XKR9: variants seen among roughly 807,000 people sequenced by gnomAD.
The protein encoded by XKR9 is XK related 9, also known as XK-related protein 9.
A neutral mutation model predicts 32.0 loss-of-function variants in XKR9; 32 were observed. The observed-to-expected ratio is 1.00, with a 90% CI of 0.76 to 1.34. The LOEUF is 1.34. Among genes scored for constraint, XKR9 ranks in the 40% most tolerant of loss-of-function variants. The pLI is 0.00. For synonymous variants in XKR9, 168 were observed against 143.4 expected (o/e 1.17, Z -1.22); for missense variants, 546 against 429.7 (o/e 1.27, Z -2.39).
At chr8:70,975,917 T>C in the XKR9 span, among the ~76,000 whole-genome samples, 1 of 152,202 alleles carries the variant, frequency 6.6e-6, no homozygotes, top group Admixed American at 6.5e-5. Context: ...TTTTATTTCG[T>C]TGAGCAGTGG....
chr8:70,870,008 A>G, the XKR9 span, among the ~76,000 whole-genome samples: 1 of 152,164 alleles, frequency 6.6e-6, no homozygotes, highest in Non-Finnish European at 1.5e-5. Flanking sequence ...AATGAGATAT[A>G]TGATATGAAT....
At chr8:70,939,934 T>C in the XKR9 span, among the ~76,000 whole-genome samples, 4 of 152,118 alleles carry the variant, frequency 2.6e-5, no homozygotes, top group East Asian at 7.7e-4. Context: ...TATTATTCCA[T>C]TTTTTCAGAT....
intron 4 of XKR9, among the ~76,000 whole-genome samples, chr8:70,707,865 C>A (rs997519355): frequency 6.6e-6 from 1 of 151,978 alleles, no homozygotes; most frequent in Non-Finnish European, 1.5e-5. Flanking sequence ...TTTGAAAAAT[C>A]CTTTTATAGG....
chr8:70,848,315 C>T, the XKR9 span, among the ~76,000 whole-genome samples: 1 of 151,926 alleles, frequency 6.6e-6, no homozygotes, highest in South Asian at 2.1e-4. Flanking sequence ...GAATATACCT[C>T]AAAATATGAC....
At position 70,674,915 on chromosome 8, in the gene XKR9, A is replaced by G. The variant is rs993096936; in HGVS notation, c.-279+16A>G. 1 of 152,174 alleles carries G rather than the reference A, an allele frequency of 6.6e-6. No individual in the cohort carries two copies. Among genetic ancestry groups the G allele is most frequent in the African/African-American group, 2.4e-5 (1 of 41,450 alleles). The allele number at this position is 152,174 out of a possible 1,614,324, so 9.4% of individuals were successfully genotyped here. ...TATTTGACAAGTAAGTCTATGTTTTATATGTGTTATATTTGGTTGACAAGG... is the reference window on the plus strand; with the variant it reads ...TATTTGACAAGTAAGTCTATGTTTTGTATGTGTTATATTTGGTTGACAAGG... On this transcript the variant is annotated intron_variant, in intron 2 of 4. Coordinates refer to ENST00000408926, the MANE Select transcript of XKR9 (RefSeq NM_001011720.2).
At chr8:70,941,094 A>G in the XKR9 span, among the ~76,000 whole-genome samples, 1 of 152,122 alleles carries the variant, frequency 6.6e-6, no homozygotes, top group Non-Finnish European at 1.5e-5. Flanking sequence ...CGAAAACTCC[A>G]TAACCATCAA....
intron 4 of XKR9, among the ~76,000 whole-genome samples, chr8:70,730,089 G>A (rs893235173): frequency 2.0e-5 from 3 of 152,108 alleles, no homozygotes; most frequent in African/African-American, 4.8e-5. Context: ...TTACTCTGAA[G>A]AGTTTTAGTT....
At chr8:70,808,092 T>G in the XKR9 span, among the ~76,000 whole-genome samples, 3 of 152,054 alleles carry the variant, frequency 2.0e-5, no homozygotes, top group Non-Finnish European at 2.9e-5. Flanking sequence ...GCAATCAAAT[T>G]AGAACTCAGC....
At chr8:70,864,170 C>G in the XKR9 span, among the ~76,000 whole-genome samples, 1 of 152,114 alleles carries the variant, frequency 6.6e-6, no homozygotes, top group Non-Finnish European at 1.5e-5. Flanking sequence ...TGCTTTCCCC[C>G]CCTAAAATCT....
chr8:70,927,986 C>T, the XKR9 span, among the ~76,000 whole-genome samples: 1 of 152,106 alleles, frequency 6.6e-6, no homozygotes, highest in African/African-American at 2.4e-5. Context: ...TAGGTTTGAA[C>T]CTTTTATCTA....
chr8:70,780,092 C>G (rs116743838), intron 2 of XKR9, among the ~76,000 whole-genome samples: 3,313 of 151,562 alleles, frequency 0.022, 135 homozygotes, highest in African/African-American at 0.076. Flanking sequence ...TGGGCATTTA[C>G]TGTTATAGAG....
At chr8:70,816,780 G>A in the XKR9 span, among the ~76,000 whole-genome samples, 3 of 152,064 alleles carry the variant, frequency 2.0e-5, no homozygotes, top group Non-Finnish European at 4.4e-5. Flanking sequence ...CACCATGATT[G>A]AATAGGCTTC....
At chr8:70,801,421 C>T in the XKR9 span, among the ~76,000 whole-genome samples, 1 of 152,158 alleles carries the variant, frequency 6.6e-6, no homozygotes. Flanking sequence ...TTTATTGCTG[C>T]CCAAAAGTCA....
At chr8:71,035,453 C>T in the XKR9 span, among the ~76,000 whole-genome samples, 6 of 152,164 alleles carry the variant, frequency 3.9e-5, no homozygotes, top group African/African-American at 9.7e-5. Flanking sequence ...TTAACAGGCA[C>T]GATAAGTTTC....
At chr8:70,804,744 A>G in the XKR9 span, among the ~76,000 whole-genome samples, 1 of 152,250 alleles carries the variant, frequency 6.6e-6, no homozygotes, top group Non-Finnish European at 1.5e-5. Context: ...TTGAAGCTAA[A>G]TATAATGGGT....
rs557386921 is a variant in XKR9 at position 70,676,439 on chromosome 8, G to A, written c.-279+1540G>A. On this transcript the variant is annotated intron_variant, in intron 2 of 4. Coordinates refer to ENST00000408926, the MANE Select transcript of XKR9 (RefSeq NM_001011720.2). ...TTGTAGGTGGCATTATTTTACCTAA[G>A]GTGGTACTGGAATAGTGATCAACCA... Among the ~76,000 whole-genome samples, 3 of 152,254 alleles carry A rather than the reference G, an allele frequency of 2.0e-5. No homozygotes were observed. In the South Asian group the frequency reaches 6.2e-4, roughly 32 times the overall value.
chr8:70,829,484 T>C, the XKR9 span, among the ~76,000 whole-genome samples: 4 of 152,374 alleles, frequency 2.6e-5, no homozygotes, highest in South Asian at 8.3e-4. Flanking sequence ...AGTCTCGCCC[T>C]GTCTCCCAGG....
intron 4 of XKR9, among the ~76,000 whole-genome samples, chr8:70,717,822 G>T (rs1005581643): frequency 3.3e-5 from 5 of 152,230 alleles, no homozygotes; most frequent in East Asian, 1.9e-4. Context: ...GCATTGTCAG[G>T]CTGCAAATTT....
the XKR9 span, among the ~76,000 whole-genome samples, chr8:70,878,819 C>A: frequency 6.6e-6 from 1 of 152,170 alleles, no homozygotes; most frequent in Non-Finnish European, 1.5e-5. Context: ...TAGATATCTA[C>A]AGAACTCTCC....
Sources: gnomAD v4.1 joint callset for allele counts (sites outside exome capture counted in the v4.1 genomes callset) on GRCh38, gnomAD v4.1.1 for gene constraint, MANE v1.5 for transcripts, NCBI Gene and HGNC (gene_info 2026-07-23, HGNC 2026-07-21) for gene names.